PPM1L: variants seen among roughly 807,000 people sequenced by gnomAD.
The protein encoded by PPM1L is protein phosphatase, Mg2+/Mn2+ dependent 1L.
PPM1L carries 13 observed loss-of-function variants against 31.4 expected under a neutral mutation model. That is an observed-to-expected ratio of 0.41 (90% CI 0.27 to 0.66). The LOEUF is 0.66. Among genes scored for constraint, PPM1L ranks in the 30% least tolerant of loss-of-function variants. The pLI, the probability that PPM1L is intolerant of heterozygous loss-of-function variation, is 0.29. For missense variants in PPM1L, 326 were observed against 453.7 expected (o/e 0.72, Z 2.56); for synonymous variants, 184 against 175.4 (o/e 1.05, Z -0.39).
intron 1 of PPM1L, among the ~76,000 whole-genome samples, chr3:160,893,800 C>A (rs1713235647): frequency 6.6e-6 from 1 of 152,136 alleles, no homozygotes; most frequent in South Asian, 2.1e-4. Flanking sequence ...TGGTCCCTGA[C>A]TTATGATGGT....
At chr3:161,067,467 C>A (rs1328035271) in intron 3 of PPM1L, among the ~76,000 whole-genome samples, 1 of 152,226 alleles carries the variant, frequency 6.6e-6, no homozygotes, top group Non-Finnish European at 1.5e-5. Context: ...TAAGGTCCAG[C>A]CAGTCTGGGC....
intron 1 of PPM1L, among the ~76,000 whole-genome samples, chr3:160,778,586 G>A (rs915884598): frequency 3.3e-5 from 5 of 152,210 alleles, no homozygotes; most frequent in African/African-American, 7.2e-5. Context: ...AAGTACAGAT[G>A]AGACTAAGAT....
At chr3:160,867,459 AT>A (rs1712133062) in intron 1 of PPM1L, among the ~76,000 whole-genome samples, 2 of 150,338 alleles carry the variant, frequency 1.3e-5, no homozygotes, top group Non-Finnish European at 2.9e-5. Flanking sequence ...CTATACTGTT[AT>A]GGTGTTACTA....
At chr3:160,845,312 TA>T (rs1714042808) in intron 1 of PPM1L, among the ~76,000 whole-genome samples, 1 of 152,120 alleles carries the variant, frequency 6.6e-6, no homozygotes, top group African/African-American at 2.4e-5. Context: ...TAGAAATGCC[TA>T]TTCAGAGTCT....
chr3:161,032,412 G>T (rs1013895360), intron 2 of PPM1L, among the ~76,000 whole-genome samples: 11 of 152,116 alleles, frequency 7.2e-5, no homozygotes, highest in African/African-American at 2.7e-4. Context: ...GCACATGGAA[G>T]GCTTTCTTAC....
chr3:160,933,314 T>C (rs1013251034), intron 1 of PPM1L, among the ~76,000 whole-genome samples: 1 of 152,184 alleles, frequency 6.6e-6, no homozygotes, highest in Non-Finnish European at 1.5e-5. Context: ...GTAGGACTTA[T>C]ATCTACCTAT....
At position 160,879,164 on chromosome 3, in the gene PPM1L, TC is replaced by T. The variant is rs1189404694; in HGVS notation, c.400-82569del. ...TGCCACAGGGGTAACTAAGAAACTT[TC>T]CCATGTATATGGCCCCTACTGGGTG... On this transcript the variant is annotated intron_variant, in intron 1 of 3. Transcript: ENST00000498165. Among the ~76,000 whole-genome samples, 34 of 152,302 alleles carry T rather than the reference TC, an allele frequency of 2.2e-4. 1 individual carries two copies. Among genetic ancestry groups the T allele is most frequent in the Admixed American group, 2.1e-3 (32 of 15,296 alleles).
At chr3:160,972,595 A>G (rs910218014) in intron 2 of PPM1L, among the ~76,000 whole-genome samples, 4 of 152,066 alleles carry the variant, frequency 2.6e-5, no homozygotes, top group Admixed American at 6.5e-5. Context: ...AATCCAGTCT[A>G]TCATCATTGG....
intron 1 of PPM1L, among the ~76,000 whole-genome samples, chr3:160,890,346 A>G (rs891989984): frequency 2.0e-5 from 3 of 152,198 alleles, no homozygotes; most frequent in African/African-American, 7.2e-5. Context: ...TTACACCAAC[A>G]ATAGACAAGC....
chr3:160,891,140 TA>T (rs1324713024), intron 1 of PPM1L, among the ~76,000 whole-genome samples: 1 of 152,070 alleles, frequency 6.6e-6, no homozygotes, highest in African/African-American at 2.4e-5. Flanking sequence ...CTAATTAAAC[TA>T]AAGAGCTTCT....
At chr3:160,773,954 G>A (rs569550258) in intron 1 of PPM1L, among the ~76,000 whole-genome samples, 2 of 152,244 alleles carry the variant, frequency 1.3e-5, no homozygotes, top group East Asian at 1.9e-4. Flanking sequence ...GAAGGGCTGT[G>A]CTCAGTGTGC....
intron 1 of PPM1L, among the ~76,000 whole-genome samples, chr3:160,823,907 C>A (rs1383418987): frequency 6.6e-6 from 1 of 152,114 alleles, no homozygotes; most frequent in Non-Finnish European, 1.5e-5. Flanking sequence ...CTGATTTATT[C>A]TGTAAATTGG....
intron 2 of PPM1L, among the ~76,000 whole-genome samples, chr3:160,989,982 G>GTTTTT (rs1717079548): frequency 1.3e-5 from 2 of 150,030 alleles, no homozygotes; most frequent in African/African-American, 4.9e-5. Flanking sequence ...CGTTGTTTTT[G>GTTTTT]TTTTGTTTTG....
chr3:160,914,200 C>T (rs1486959126), intron 1 of PPM1L, among the ~76,000 whole-genome samples: 1 of 152,032 alleles, frequency 6.6e-6, no homozygotes, highest in Non-Finnish European at 1.5e-5. Context: ...TGCTTGGTGG[C>T]CATTCATACA....
intron 2 of PPM1L, among the ~76,000 whole-genome samples, chr3:160,963,683 A>G (rs542961387): frequency 1.3e-5 from 2 of 152,148 alleles, no homozygotes; most frequent in Admixed American, 1.3e-4. Flanking sequence ...TAGTGGATGA[A>G]GGGGCACAAG....
At chr3:160,817,933 G>T (rs12487861) in intron 1 of PPM1L, among the ~76,000 whole-genome samples, 58,182 of 151,786 alleles carry the variant, frequency 0.38, 12,068 homozygotes, top group East Asian at 0.59. Context: ...AGATTTAAGA[G>T]TCAGCTATGT....
intron 2 of PPM1L, among the ~76,000 whole-genome samples, chr3:161,036,761 T>A (rs551188290): frequency 6.6e-6 from 1 of 152,208 alleles, no homozygotes; most frequent in East Asian, 1.9e-4. Flanking sequence ...AGTACATTCG[T>A]ATTGATTGCT....
At chr3:160,757,352 G>GCTAC (rs1714838629) in intron 1 of PPM1L, among the ~76,000 whole-genome samples, 1 of 152,272 alleles carries the variant, frequency 6.6e-6, no homozygotes, top group African/African-American at 2.4e-5. Flanking sequence ...GGACCTAGAT[G>GCTAC]TCCCTGGCCT....
chr3:161,017,291 A>C (rs1718112559), intron 2 of PPM1L, among the ~76,000 whole-genome samples: 1 of 152,212 alleles, frequency 6.6e-6, no homozygotes, highest in Admixed American at 6.5e-5. Flanking sequence ...AATACAATAA[A>C]TAGAAAATTA....
Sources: gnomAD v4.1 joint callset for allele counts (sites outside exome capture counted in the v4.1 genomes callset) on GRCh38, gnomAD v4.1.1 for gene constraint, MANE v1.5 for transcripts, NCBI Gene and HGNC (gene_info 2026-07-23, HGNC 2026-07-21) for gene names.